Variants in PPP1R9A observed in about 807,000 individuals in gnomAD.
PPP1R9A encodes the protein protein phosphatase 1 regulatory subunit 9A, also known as neurabin-1.
In PPP1R9A, 59 loss-of-function variants were observed where a neutral mutation model predicts 141.9. That is an observed-to-expected ratio of 0.42 (90% CI 0.34 to 0.52). The LOEUF (loss-of-function observed/expected upper bound fraction) is 0.52. Ranked by LOEUF, PPP1R9A falls within the 20% of genes least tolerant of loss-of-function variation. The probability of loss-of-function intolerance (pLI) is 0.10; values close to 1 mark genes in which losing one functional copy is unlikely to be tolerated. For missense variants in PPP1R9A, 1,444 were observed against 1,611.9 expected (o/e 0.90, Z 1.78); for synonymous variants, 500 against 569.7 (o/e 0.88, Z 1.74).
In PPP1R9A at chr7:95,288,698, T is replaced by C. The variant is rs1805805868; in HGVS notation, c.3892T>C (p.Leu1298=). ...CATCACTGGAGAACAGCTCCTGCAG[T>C]TGGATGGAAATAAACTTAAGGTAAA... The part of the protein sequence containing the change: ...QNITGEQLLQ[L]DGNKLKALGM... Residue 1298 remains leucine, a synonymous_variant, in exon 19 of 20, where the codon TTG becomes CTG. Coordinates refer to ENST00000433360, the MANE Select transcript of PPP1R9A (RefSeq NM_001166160.2). 5 of 1,613,852 alleles carry C rather than the reference T, an allele frequency of 3.1e-6. No homozygotes were observed. Among genetic ancestry groups the C allele is most frequent in the Middle Eastern group, 1.7e-4 (1 of 6,056 alleles).
At chr7:95,203,516 T>G in intron 6 of PPP1R9A, 149 bp from the exon 7 acceptor site, 1 of 509,094 alleles carries the variant, frequency 2.0e-6, no homozygotes, top group South Asian at 3.4e-5. Context: ...AGTGTGGGCA[T>G]TTTTTACCAA....
intron 7 of PPP1R9A, among the ~76,000 whole-genome samples, chr7:95,220,300 A>G (rs1794226742): frequency 6.6e-6 from 1 of 152,068 alleles, no homozygotes; most frequent in Non-Finnish European, 1.5e-5. Flanking sequence ...TTATTCTCTC[A>G]CAGAAGTGCG....
chr7:95,280,222 A>T (rs1043286101), intron 16 of PPP1R9A, among the ~76,000 whole-genome samples: 7 of 152,208 alleles, frequency 4.6e-5, no homozygotes, highest in Non-Finnish European at 1.0e-4. Flanking sequence ...ATTTAGGTAA[A>T]TACAAGTCTG....
At chr7:95,016,825 G>A (rs1805171677) in intron 2 of PPP1R9A, among the ~76,000 whole-genome samples, 1 of 152,178 alleles carries the variant, frequency 6.6e-6, no homozygotes, top group South Asian at 2.1e-4. Context: ...AATAAGGTAT[G>A]TGTTATGGAT....
intron 2 of PPP1R9A, among the ~76,000 whole-genome samples, chr7:95,025,538 C>G (rs993684917): frequency 6.6e-6 from 1 of 152,046 alleles, no homozygotes; most frequent in Non-Finnish European, 1.5e-5. Flanking sequence ...GTGAATCTGA[C>G]GATTATGTGT....
At chr7:95,197,645 T>TTTG (rs58681960) in intron 5 of PPP1R9A, among the ~76,000 whole-genome samples, 2,493 of 151,916 alleles carry the variant, frequency 0.016, 69 homozygotes, top group South Asian at 0.088. Context: ...CGTCAAAATG[T>TTTG]TTGTTGTTGT....
intron 2 of PPP1R9A, among the ~76,000 whole-genome samples, chr7:95,071,914 T>C (rs1291929131): frequency 1.3e-5 from 2 of 151,808 alleles, no homozygotes; most frequent in African/African-American, 4.8e-5. Context: ...AAGATCGTAT[T>C]TTATCTACCT....
chr7:94,915,145 A>C (rs1562985998), intron 2 of PPP1R9A, among the ~76,000 whole-genome samples: 1 of 152,226 alleles, frequency 6.6e-6, no homozygotes, highest in Non-Finnish European at 1.5e-5. Flanking sequence ...TGTTTTCTCA[A>C]ATCATATGGA....
At chr7:95,182,049 T>C (rs1232826319) in intron 5 of PPP1R9A, among the ~76,000 whole-genome samples, 1 of 151,786 alleles carries the variant, frequency 6.6e-6, no homozygotes, top group African/African-American at 2.4e-5. Flanking sequence ...TGGCAAGGGA[T>C]AAAAGACTAC....
chr7:95,167,577 G>A (rs1026783964), intron 5 of PPP1R9A, among the ~76,000 whole-genome samples: 3 of 152,072 alleles, frequency 2.0e-5, no homozygotes, highest in Non-Finnish European at 4.4e-5. Flanking sequence ...GAAATAAAAG[G>A]CATCTGAATA....
chr7:95,181,347 A>G (rs1188781506), intron 5 of PPP1R9A, among the ~76,000 whole-genome samples: 1 of 141,344 alleles, frequency 7.1e-6, no homozygotes, highest in East Asian at 2.0e-4. Flanking sequence ...TAGAATATAT[A>G]TAGTATATAT....
intron 6 of PPP1R9A, among the ~76,000 whole-genome samples, chr7:95,202,813 G>C (rs1789872151): frequency 6.6e-6 from 1 of 151,962 alleles, no homozygotes. Flanking sequence ...CGTTTGAAAT[G>C]CTGCAGGCTT....
chr7:95,133,513 T>TTATATATATATATATATATA (rs10570222), intron 4 of PPP1R9A, among the ~76,000 whole-genome samples: 20 of 132,682 alleles, frequency 1.5e-4, no homozygotes, highest in South Asian at 9.8e-4. Context: ...TGCAGTCGTA[T>TTATATATATATATATATATA]TATATATATA....
At chr7:95,151,348 A>T (rs189703842) in intron 4 of PPP1R9A, among the ~76,000 whole-genome samples, 65 of 152,350 alleles carry the variant, frequency 4.3e-4, no homozygotes, top group Non-Finnish European at 8.2e-4. Context: ...CATATCAGTA[A>T]ATGAAGGAAG....
intron 2 of PPP1R9A, among the ~76,000 whole-genome samples, chr7:94,980,170 T>C (rs1003627243): frequency 7.9e-6 from 1 of 126,628 alleles, no homozygotes; most frequent in Non-Finnish European, 1.6e-5. Context: ...ATACTAACAA[T>C]AGCTGATGAG....
chr7:95,277,200 T>G (rs1803367026), intron 16 of PPP1R9A, among the ~76,000 whole-genome samples: 1 of 152,212 alleles, frequency 6.6e-6, no homozygotes, highest in African/African-American at 2.4e-5. Context: ...TGTTAGATTT[T>G]AAAGAGGCAA....
At chr7:95,147,663 A>T (rs975998648) in intron 4 of PPP1R9A, among the ~76,000 whole-genome samples, 4 of 152,144 alleles carry the variant, frequency 2.6e-5, no homozygotes, top group Non-Finnish European at 5.9e-5. Context: ...ATTTTGAGAG[A>T]TGTGCCATCA....
At chr7:94,965,794 C>CT (rs1353245935) in intron 2 of PPP1R9A, among the ~76,000 whole-genome samples, 1 of 150,950 alleles carries the variant, frequency 6.6e-6, no homozygotes, top group East Asian at 1.9e-4. Context: ...ATTGTCTTGG[C>CT]TATATGGGCT....
chr7:95,220,943 G>A (rs917462238), intron 7 of PPP1R9A, among the ~76,000 whole-genome samples: 2 of 152,026 alleles, frequency 1.3e-5, no homozygotes, highest in African/African-American at 4.8e-5. Flanking sequence ...GTAGAAGCTG[G>A]TGCCTACCCC....
Sources: allele counts gnomAD v4.1 joint callset (sites outside exome capture counted in the v4.1 genomes callset), GRCh38; gene constraint gnomAD v4.1.1; transcripts MANE v1.5; gene names NCBI Gene and HGNC (gene_info 2026-07-23, HGNC 2026-07-21).